TYK2: variants seen among roughly 807,000 people sequenced by gnomAD.
TYK2 encodes non-receptor tyrosine-protein kinase TYK2.
Under a neutral mutation model 130.9 loss-of-function variants are expected in TYK2, and 65 were observed. That is an observed-to-expected ratio of 0.50 (90% CI 0.41 to 0.61). The LOEUF is 0.61. Among genes scored for constraint, TYK2 ranks in the 20% least tolerant of loss-of-function variants. The pLI is 0.00. For synonymous variants in TYK2, 647 were observed against 658.9 expected (o/e 0.98, Z 0.28); for missense variants, 1,378 against 1,610.7 (o/e 0.86, Z 2.47).
At position 10,366,530 on chromosome 19, in the gene TYK2, G is replaced by A. The variant is rs280523; in HGVS notation, c.516C>T (p.Thr172=). 0.076 allele frequency: 123,057 copies of A among 1,613,758 alleles called. 5,295 individuals carry two copies. The highest frequency in any genetic ancestry group is 0.18 in the African/African-American group (13,307 of 74,910). The change falls in exon 6 of 25, where the codon ACC becomes ACT. Residue 172 remains threonine, a synonymous_variant. Coordinates refer to ENST00000525621, the MANE Select transcript of TYK2 (RefSeq NM_003331.5). The part of the protein sequence containing the change: ...NDVASLWELS[T]EEEIHHFKNE... The stretch of plus-strand genomic sequence containing the variant: ...TCTTAAAGTGGTGGATCTCCTCCTC[G>A]GTCGACAGCTCCCACAGTGATGCCA...
chr19:10,361,552 T>G lies in TYK2; in HGVS notation c.2006A>C (p.His669Pro), dbSNP rs1192143220. Residue 669 changes from histidine (H) to proline (P), a missense_variant, in exon 14 of 25, where the codon CAC becomes CCC. Physicochemically the swap from His to Pro is moderately conservative, Grantham distance 77. Coordinates refer to ENST00000525621, the MANE Select transcript of TYK2 (RefSeq NM_003331.5). The surrounding 1 kb of genome is among the most constrained non-coding windows in gnomAD (Gnocchi z 4.0). ...ASLMSQVSHT[H>P]LAFVHGVCVR... ...ACAGACGCCATGCACGAAGGCCAGGTGCGTGTGGGAGACCTGGCTCATGAG... is the reference window on the plus strand; with the variant it reads ...ACAGACGCCATGCACGAAGGCCAGGGGCGTGTGGGAGACCTGGCTCATGAG... 2 of 1,547,652 alleles carry G rather than the reference T, an allele frequency of 1.3e-6. No individual in the cohort carries two copies. Among genetic ancestry groups the G allele is most frequent in the East Asian group, 4.9e-5 (2 of 41,006 alleles).
intron 18 of TYK2, 89 bp downstream of exon 18, chr19:10,356,479 G>GTCT: frequency 6.5e-7 from 1 of 1,548,538 alleles, no homozygotes; most frequent in Non-Finnish European, 8.8e-7. Flanking sequence ...GAACCACTGT[G>GTCT]CAGAGACCTC....
chr19:10,369,929 A>G (rs938690797), intron 3 of TYK2: 3 of 333,926 alleles, frequency 9.0e-6, no homozygotes, highest in African/African-American at 4.5e-5. Context: ...CTGTAGTCCC[A>G]GCTACTTGGG....
chr19:10,368,570 A>T (rs1322765197), intron 3 of TYK2, 152 bp from the exon 4 acceptor site: 1 of 1,104,086 alleles, frequency 9.1e-7, no homozygotes, highest in East Asian at 2.6e-5. Context: ...GGCAGAGGAC[A>T]GTGCGTATGT....
Position 10,356,635 on chromosome 19 carries a change from G to A in TYK2, c.2550C>T (p.Thr850=), listed in dbSNP as rs767342035. 3 of 1,613,700 alleles carry A rather than the reference G, an allele frequency of 1.9e-6. No homozygotes were observed. In the Admixed American group the frequency reaches 5.0e-5, roughly 27 times the overall value. Residue 850 remains threonine, a synonymous_variant, in exon 18 of 25, where the codon ACC becomes ACT. Transcript: ENST00000525621. ...QLATLTSQCL[T]YEPTQRPSFR... ...ATGATGGCCTCTGGGTTGGCTCATA[G>A]GTCAGACACTGGCTGGTGAGTGTGG...
chr19:10,350,726 G>T lies in TYK2; in HGVS notation c.*108C>A. The T allele has an allele frequency of 7.3e-7, 1 of 1,361,502 alleles. No individual in the cohort carries two copies. Among genetic ancestry groups the T allele is most frequent in the Non-Finnish European group, 1.0e-6 (1 of 974,634 alleles). 84.3% of individuals were successfully genotyped at this position (1,361,502 alleles called of 1,614,324 possible). On this transcript the variant is annotated 3_prime_UTR_variant, in exon 25 of 25. Coordinates refer to ENST00000525621, the MANE Select transcript of TYK2 (RefSeq NM_003331.5). ...AGACAGGAGTAAGGCACACGGTGTG[G>T]GTGAGGCTGACATCCCCCTCTTGGT...
At chr19:10,366,626 C>T (rs987454102) in intron 5 of TYK2, 46 bp from the exon 6 acceptor site, 1 of 1,610,594 alleles carries the variant, frequency 6.2e-7, no homozygotes, top group Admixed American at 1.7e-5. Context: ...AGAATGCGTT[C>T]CTCTCTAGCC....
At chr19:10,358,786 T>A (rs2041240428) in intron 15 of TYK2, among the ~76,000 whole-genome samples, 1 of 151,792 alleles carries the variant, frequency 6.6e-6, no homozygotes, top group African/African-American at 2.4e-5. Context: ...TGGGGCCAGC[T>A]GGGCGTGGTG....
At chr19:10,376,869 T>C (rs1202091936) in intron 3 of TYK2, among the ~76,000 whole-genome samples, 1 of 152,006 alleles carries the variant, frequency 6.6e-6, no homozygotes, top group Non-Finnish European at 1.5e-5. Flanking sequence ...CCCAAAGTGC[T>C]GGGATTACAG....
At position 10,358,294 on chromosome 19, in the gene TYK2, GTTTTTTTTTTTT is replaced by G. The variant is rs770531180; in HGVS notation, c.2176-168_2176-157del. Among the ~76,000 whole-genome samples, 3 of 91,442 alleles carry G rather than the reference GTTTTTTTTTTTT, an allele frequency of 3.3e-5. No individual in the cohort carries two copies. The East Asian group carries it at 9.7e-4, about 30-fold the overall frequency. 60.0% of individuals were successfully genotyped at this position (91,442 alleles called of 152,430 possible). ...TTTTTTGGGGGGTTATTTTTTTCTT[GTTTTTTTTTTTT>G]TTTTTTTTTTTTAAGACAGGGTCTC... On this transcript the variant is annotated intron_variant, in intron 15 of 24. Coordinates refer to ENST00000525621, the MANE Select transcript of TYK2 (RefSeq NM_003331.5).
intron 6 of TYK2, 117 bp downstream of exon 6, chr19:10,366,300 C>A: frequency 1.8e-6 from 2 of 1,096,860 alleles, no homozygotes; most frequent in Non-Finnish European, 2.6e-6. Flanking sequence ...GAGAGAGACT[C>A]CGGCTCAGAA....
At position 10,354,567 on chromosome 19, in the gene TYK2, G is replaced by A. The variant is rs776000744; in HGVS notation, c.2660C>T (p.Ser887Leu). 6.8e-6 allele frequency: 11 copies of A among 1,613,960 alleles called. No individual in the cohort carries two copies. Among genetic ancestry groups the A allele is most frequent in the Admixed American group, 1.7e-5 (1 of 59,980 alleles). ...VLTVNPDSPASDPTVFHKRYL... is the reference protein window; with the variant it reads ...VLTVNPDSPALDPTVFHKRYL... ...GCGCTTGTGGAAAACCGTAGGGTCC[G>A]ACGCCGGTGAGTCCGGGTTCACAGT... is the stretch of plus-strand genomic sequence containing the variant. Residue 887 changes from serine to leucine, a missense_variant, in exon 19 of 25, where the codon TCG (serine) becomes TTG (leucine). Coordinates refer to ENST00000525621, the MANE Select transcript of TYK2 (RefSeq NM_003331.5).
At position 10,361,306 on chromosome 19, in the gene TYK2, G is replaced by A. The variant is rs2041388637; in HGVS notation, c.2047+205C>T. ...GAGGGCAGGTGAGGGTCGACGTGTT[G>A]GGATGTAAGTTATGGGCTGGAATAT... On this transcript the variant is annotated intron_variant, in intron 14 of 24. Coordinates refer to ENST00000525621, the MANE Select transcript of TYK2 (RefSeq NM_003331.5). This position sits in a 1 kb window ranked among gnomAD's most constrained non-coding sequence, Gnocchi z 4.0. The A allele has an allele frequency of 8.2e-5, 52 of 637,526 alleles. 1 individual carries two copies. In the South Asian group the frequency reaches 9.0e-4, roughly 11 times the overall value. 39.5% of individuals were successfully genotyped at this position (637,526 alleles called of 1,614,324 possible).
intron 3 of TYK2, 147 bp downstream of exon 3, chr19:10,378,067 T>C: frequency 1.4e-6 from 1 of 712,458 alleles, no homozygotes; most frequent in South Asian, 1.7e-5. Flanking sequence ...GGTGGATGGG[T>C]GGGTGGATGG....
chr19:10,362,104 G>A lies in TYK2; in HGVS notation c.1747C>T (p.Arg583Trp), dbSNP rs746612618. 16 of 1,613,976 alleles carry A rather than the reference G, an allele frequency of 9.9e-6. No homozygotes were observed. The highest frequency in any genetic ancestry group is 6.7e-5 in the East Asian group (3 of 44,888). Reference protein sequence around the residue: ...TLNLSQLSFHRVDQKEITQLS... With the variant: ...TLNLSQLSFHWVDQKEITQLS... Reference sequence around the variant, plus strand: ...TGGGTGATCTCCTTCTGGTCAACCCGGTGGAAGCTGAGCTGGCTGAGGTTG... The same window carrying A: ...TGGGTGATCTCCTTCTGGTCAACCCAGTGGAAGCTGAGCTGGCTGAGGTTG... The change falls in exon 12 of 25, where the codon CGG (arginine) becomes TGG (tryptophan). Residue 583 changes from arginine to tryptophan, a missense_variant. Transcript: ENST00000525621.
At chr19:10,378,606 T>C in intron 2 of TYK2, 180 bp from the exon 3 acceptor site, 1 of 601,844 alleles carries the variant, frequency 1.7e-6, no homozygotes. Flanking sequence ...TGGACAGGGT[T>C]GGGGTATGCA....
At chr19:10,357,487 A>G in intron 17 of TYK2, 1 of 704,690 alleles carries the variant, frequency 1.4e-6, no homozygotes, top group Non-Finnish European at 2.6e-6. Flanking sequence ...CCCACTCTGC[A>G]GCCTGGGCGT....
Position 10,354,202 on chromosome 19 carries a change from G to T in TYK2, c.2748C>A (p.Tyr916Ter). 1.2e-6 allele frequency: 2 copies of T among 1,613,466 alleles called. No individual in the cohort carries two copies. Among genetic ancestry groups the T allele is most frequent in the Non-Finnish European group, 1.7e-6 (2 of 1,180,032 alleles). The part of the protein sequence containing the change: ...GHFGKVSLYC[Y>*]DPTNDGTGEM... Reference sequence around the variant, plus strand: ...CGCCAGTGCCGTCGTTGGTCGGATCGTAGCAGTACAAGCTGACCTTGCCGA... The same window carrying T: ...CGCCAGTGCCGTCGTTGGTCGGATCTTAGCAGTACAAGCTGACCTTGCCGA... The change falls in exon 20 of 25, where the codon TAC becomes TAA. Residue 916 changes from tyrosine (Y) to a stop codon, truncating the protein, a stop_gained. Coordinates refer to ENST00000525621, the MANE Select transcript of TYK2 (RefSeq NM_003331.5). LOFTEE classifies it high-confidence loss of function.
At position 10,364,507 on chromosome 19, in the gene TYK2, A is replaced by T. The variant is rs1374260427; in HGVS notation, c.1367+107T>A. ...CCAGTTTGGGCGACAAAAAATAAAA[A>T]AAAAATAAGACGTGCACCTACACAC... On this transcript the variant is annotated intron_variant, in intron 9 of 24. Transcript: ENST00000525621. This position sits in a 1 kb window ranked among gnomAD's most constrained non-coding sequence, Gnocchi z 4.9. The T allele has an allele frequency of 7.3e-7, 1 of 1,360,972 alleles. No homozygotes were observed. Among genetic ancestry groups the T allele is most frequent in the African/African-American group, 1.5e-5 (1 of 68,550 alleles). The allele number at this position is 1,360,972 out of a possible 1,614,324, so 84.3% of individuals were successfully genotyped here.
Sources: allele counts gnomAD v4.1 joint callset (sites outside exome capture counted in the v4.1 genomes callset), GRCh38; gene constraint gnomAD v4.1.1; non-coding constraint Gnocchi (gnomAD v3.1); transcripts MANE v1.5; gene names NCBI Gene and HGNC (gene_info 2026-07-23, HGNC 2026-07-21).